The following MAP3K5 variants were observed in gnomAD, a reference collection of about 807,000 sequenced individuals.
The protein encoded by MAP3K5 is ASK-1.
MAP3K5 carries 56 observed loss-of-function variants against 158.7 expected under a neutral mutation model. That is an observed-to-expected ratio of 0.35 (90% CI 0.28 to 0.44). The LOEUF (loss-of-function observed/expected upper bound fraction) is 0.44, where lower values mean the gene tolerates loss of function less well. MAP3K5 is among the 20% of genes least tolerant of loss of function. The pLI is 1.00. For synonymous variants in MAP3K5, 579 were observed against 601.7 expected (o/e 0.96, Z 0.55); for missense variants, 1,294 against 1,674.8 (o/e 0.77, Z 3.97).
intron 1 of MAP3K5, among the ~76,000 whole-genome samples, chr6:136,755,617 A>G (rs1036744831): frequency 6.8e-6 from 1 of 146,866 alleles, no homozygotes; most frequent in African/African-American, 2.5e-5. Flanking sequence ...AGAGCCTGGG[A>G]GGTCAAGGCT....
intron 14 of MAP3K5, among the ~76,000 whole-genome samples, chr6:136,633,785 T>C (rs1005118958): frequency 1.3e-5 from 2 of 152,246 alleles, no homozygotes; most frequent in African/African-American, 4.8e-5. Context: ...AGTTACTGTT[T>C]TGCTGACTGC....
At chr6:136,737,049 A>ATATATATATATATATC (rs1782505489) in intron 1 of MAP3K5, among the ~76,000 whole-genome samples, 2 of 147,964 alleles carry the variant, frequency 1.4e-5, no homozygotes, top group Non-Finnish European at 3.0e-5. Context: ...ATATATATAT[A>ATATATATATATATATC]TATATATAAA....
At chr6:136,638,330 C>T (rs1360031035) in intron 13 of MAP3K5, among the ~76,000 whole-genome samples, 1 of 152,166 alleles carries the variant, frequency 6.6e-6, no homozygotes, top group South Asian at 2.1e-4. Context: ...ATATAACACT[C>T]GACAGTGGGA....
chr6:136,737,037 G>GTATATATATATATATATATATATA (rs56011325), intron 1 of MAP3K5, among the ~76,000 whole-genome samples: 119 of 126,918 alleles, frequency 9.4e-4, no homozygotes, highest in African/African-American at 4.4e-3. Flanking sequence ...ATATGTGTGT[G>GTATATATATATATATATATATATA]TATATATATA....
At chr6:136,611,119 A>G (rs1225424014) in intron 18 of MAP3K5, among the ~76,000 whole-genome samples, 163 bp downstream of exon 18, 3 of 149,822 alleles carry the variant, frequency 2.0e-5, no homozygotes, top group East Asian at 3.9e-4. Context: ...AAAAAAAAAA[A>G]AAAAAAAAAA....
At chr6:136,770,203 A>G (rs1447376339) in intron 1 of MAP3K5, among the ~76,000 whole-genome samples, 1 of 152,032 alleles carries the variant, frequency 6.6e-6, no homozygotes, top group East Asian at 1.9e-4. Flanking sequence ...CCCCTAATGG[A>G]TGGACTGAGG....
chr6:136,777,871 C>T (rs1280537942), intron 1 of MAP3K5, among the ~76,000 whole-genome samples: 1 of 22,224 alleles, frequency 4.5e-5, no homozygotes, highest in Non-Finnish European at 1.0e-4. Flanking sequence ...CCACACACTC[C>T]ACATCATCAA....
intron 23 of MAP3K5, 72 bp from the exon 24 acceptor site, chr6:136,583,812 T>A: frequency 2.2e-6 from 3 of 1,383,498 alleles, no homozygotes; most frequent in Non-Finnish European, 3.0e-6. Flanking sequence ...CCTATCTCCA[T>A]ACCCCCTGCC....
intron 4 of MAP3K5, among the ~76,000 whole-genome samples, 155 bp from the exon 5 acceptor site, chr6:136,697,542 T>C (rs4896212): frequency 0.51 from 76,973 of 150,840 alleles, 19,778 homozygotes; most frequent in South Asian, 0.62. Context: ...ATATCTTACA[T>C]ATCTGGCATT....
At chr6:136,649,012 C>T (rs1328021541) in intron 11 of MAP3K5, among the ~76,000 whole-genome samples, 2 of 152,194 alleles carry the variant, frequency 1.3e-5, no homozygotes, top group East Asian at 1.9e-4. Flanking sequence ...CTCTGTCGCC[C>T]AGGCTGGAGT....
chr6:136,729,843 A>G (rs1240349551), intron 1 of MAP3K5, among the ~76,000 whole-genome samples: 1 of 152,214 alleles, frequency 6.6e-6, no homozygotes, highest in Non-Finnish European at 1.5e-5. Context: ...CACAGACAAC[A>G]TGTGGGGAAA....
chr6:136,730,153 G>GTTTTTTTTT (rs60058823), intron 1 of MAP3K5, among the ~76,000 whole-genome samples: 3 of 133,394 alleles, frequency 2.2e-5, no homozygotes, highest in African/African-American at 3.1e-5. Flanking sequence ...TTGTTTGGTT[G>GTTTTTTTTT]TTTTTTTTTT....
intron 25 of MAP3K5, among the ~76,000 whole-genome samples, chr6:136,575,814 T>C (rs1774591089): frequency 2.6e-5 from 4 of 152,216 alleles, no homozygotes; most frequent in Admixed American, 2.0e-4. Flanking sequence ...TAGTGATGCT[T>C]ACCTTGATCA....
intron 3 of MAP3K5, among the ~76,000 whole-genome samples, chr6:136,702,645 C>T (rs572885690): frequency 3.3e-4 from 51 of 152,314 alleles, no homozygotes; most frequent in African/African-American, 1.2e-3. Context: ...AATAACAACA[C>T]ATGCTATAAA....
At chr6:136,635,865 G>A (rs1309149749) in intron 14 of MAP3K5, among the ~76,000 whole-genome samples, 2 of 151,780 alleles carry the variant, frequency 1.3e-5, no homozygotes, top group Non-Finnish European at 2.9e-5. Context: ...CTCCAGCCCG[G>A]GTAACACAGC....
intron 11 of MAP3K5, among the ~76,000 whole-genome samples, chr6:136,647,214 C>T (rs1290685569): frequency 1.3e-5 from 2 of 152,168 alleles, no homozygotes; most frequent in South Asian, 2.1e-4. Flanking sequence ...ATGTCAAGAC[C>T]AGATCAGTCT....
Position 136,736,234 on chromosome 6 carries a change from C to T in MAP3K5, c.449-15645G>A, listed in dbSNP as rs139300700. Reference sequence around the variant, plus strand: ...TGCTCCAAGATTCTTAATGTGTCAACGAATGGAAACCTCTCACAGTCAGGA... The same window carrying T: ...TGCTCCAAGATTCTTAATGTGTCAATGAATGGAAACCTCTCACAGTCAGGA... On this transcript the variant is annotated intron_variant, in intron 1 of 29. Coordinates refer to ENST00000359015, the MANE Select transcript of MAP3K5 (RefSeq NM_005923.4). Among the ~76,000 whole-genome samples the T allele has an allele frequency of 2.3e-4, 35 of 152,240 alleles. 2 individuals are homozygous for T. The highest frequency in any genetic ancestry group is 8.2e-4 in the African/African-American group (34 of 41,532).
At chr6:136,596,370 C>A (rs1775630451) in intron 21 of MAP3K5, among the ~76,000 whole-genome samples, 1 of 152,162 alleles carries the variant, frequency 6.6e-6, no homozygotes, top group African/African-American at 2.4e-5. Flanking sequence ...CTAAAGAGAT[C>A]TCATTAGATC....
At chr6:136,728,859 T>G (rs1363013355) in intron 1 of MAP3K5, among the ~76,000 whole-genome samples, 1 of 152,042 alleles carries the variant, frequency 6.6e-6, no homozygotes, top group African/African-American at 2.4e-5. Context: ...AGAGGGATAT[T>G]TTGCACTTCC....
Sources: allele counts gnomAD v4.1 joint callset (sites outside exome capture counted in the v4.1 genomes callset), GRCh38; gene constraint gnomAD v4.1.1; transcripts MANE v1.5; gene names NCBI Gene and HGNC (gene_info 2026-07-23, HGNC 2026-07-21).